The following BPTF variants were observed in gnomAD, a reference collection of about 807,000 sequenced individuals.
BPTF encodes the protein nucleosome-remodeling factor subunit BPTF.
BPTF carries 18 observed loss-of-function variants against 292.5 expected under a neutral mutation model. The ratio of observed to expected loss-of-function variants is 0.06; its 90% CI spans 0.04 to 0.09. The LOEUF (loss-of-function observed/expected upper bound fraction) is 0.09, where lower values mean the gene tolerates loss of function less well. Ranked by LOEUF, BPTF falls within the 10% of genes least tolerant of loss-of-function variation. The pLI, the probability that BPTF is intolerant of heterozygous loss-of-function variation, is 1.00. For synonymous variants in BPTF, 1,225 were observed against 1,251.9 expected, an observed-to-expected ratio of 0.98 and a Z score of 0.45; for missense variants, 2,726 against 3,498.7, an observed-to-expected ratio of 0.78 and a Z score of 5.57.
chr17:67,937,177 C>G (rs571150193), intron 18 of BPTF, among the ~76,000 whole-genome samples: 2 of 151,894 alleles, frequency 1.3e-5, no homozygotes, highest in African/African-American at 4.8e-5. Context: ...AAGTACTGGC[C>G]GGGCGCGATA....
rs528644198 is a variant in BPTF, at chr17:67,931,516, A to G, written c.6151-395A>G. ...ATAAATAAATAATTTTTAAAAAACT[A>G]TGAAAGAACATTTGGTTTCTGATCT... On this transcript the variant is annotated intron_variant, in intron 17 of 27. Transcript: ENST00000306378. Among the ~76,000 whole-genome samples the G allele has an allele frequency of 1.8e-4, 27 of 152,280 alleles. 1 individual carries two copies. Among genetic ancestry groups the G allele is most frequent in the Admixed American group, 1.2e-3 (19 of 15,302 alleles).
chr17:67,890,070 T>C (rs1380871735), intron 4 of BPTF, among the ~76,000 whole-genome samples: 2 of 152,216 alleles, frequency 1.3e-5, no homozygotes, highest in Admixed American at 6.5e-5. Context: ...TGTAGAAATT[T>C]CTAGACCTAC....
At chr17:67,976,511 C>T (rs1555693981) in intron 27 of BPTF, among the ~76,000 whole-genome samples, 1 of 151,710 alleles carries the variant, frequency 6.6e-6, no homozygotes, top group Non-Finnish European at 1.5e-5. Flanking sequence ...CATAATGAGA[C>T]CATGTCTCTA....
At chr17:67,931,741 C>T (rs533572603) in intron 17 of BPTF, among the ~76,000 whole-genome samples, 170 bp from the exon 18 acceptor site, 1 of 152,100 alleles carries the variant, frequency 6.6e-6, no homozygotes, top group South Asian at 2.1e-4. Flanking sequence ...CTCAAAATTC[C>T]GTCTTTATTC....
At chr17:67,858,498 T>C (rs1227675898) in intron 2 of BPTF, among the ~76,000 whole-genome samples, 1 of 142,252 alleles carries the variant, frequency 7.0e-6, no homozygotes, top group African/African-American at 2.7e-5. Context: ...GAGGTTGCAA[T>C]GAGCCGAGAT....
intron 27 of BPTF, chr17:67,981,903 A>ACACACACC (rs1303717587): frequency 1.6e-5 from 3 of 182,710 alleles, no homozygotes; most frequent in African/African-American, 7.5e-5. Context: ...ACACACACAC[A>ACACACACC]CCTTTCACCA....
chr17:67,932,727 T>TAA lies in BPTF; in HGVS notation c.6259+710_6259+711dup, dbSNP rs1229774194. On this transcript the variant is annotated intron_variant, in intron 18 of 27. Coordinates refer to ENST00000306378, the MANE Select transcript of BPTF (RefSeq NM_182641.4). ...AAAAAGAAAAAAAAGTTGAAAATGTTAAAGATTTTTTTTTAAACCCTATAC... is the reference window on the plus strand; with the variant it reads ...AAAAAGAAAAAAAAGTTGAAAATGTTAAAAAGATTTTTTTTTAAACCCTATAC... Among the ~76,000 whole-genome samples the TAA allele has an allele frequency of 3.3e-5, 5 of 152,092 alleles. No homozygotes were observed. The East Asian group carries it at 9.7e-4, about 29-fold the overall frequency.
At chr17:67,920,423 G>A (rs2063352700) in intron 13 of BPTF, among the ~76,000 whole-genome samples, 1 of 152,180 alleles carries the variant, frequency 6.6e-6, no homozygotes, top group Non-Finnish European at 1.5e-5. Context: ...AGCAGCTCCT[G>A]GAGAGCAGCC....
intron 1 of BPTF, among the ~76,000 whole-genome samples, chr17:67,833,760 G>T (rs1194201537): frequency 2.0e-5 from 3 of 151,882 alleles, no homozygotes; most frequent in Non-Finnish European, 4.4e-5. Context: ...CTAGAAGAGG[G>T]TTTCACCATG....
chr17:67,893,190 T>C (rs2061236725), intron 5 of BPTF, 180 bp from the exon 6 acceptor site: 2 of 603,652 alleles, frequency 3.3e-6, no homozygotes, highest in African/African-American at 1.9e-5. Context: ...ATCTTGGTTG[T>C]TTAATTGTAA....
chr17:67,974,646 A>G (rs2069177574), intron 26 of BPTF: 1 of 152,322 alleles, frequency 6.6e-6, no homozygotes, highest in Admixed American at 6.5e-5. Context: ...AGCAGCTCAC[A>G]GAACTCAGGG....
chr17:67,978,460 A>T (rs1555695176), intron 27 of BPTF, among the ~76,000 whole-genome samples: 1 of 151,438 alleles, frequency 6.6e-6, no homozygotes, highest in Admixed American at 6.6e-5. Context: ...CACCATGCCC[A>T]GCTGATTTTT....
At position 67,854,398 on chromosome 17, in the gene BPTF, G is replaced by C; in HGVS notation, c.1072G>C (p.Glu358Gln). Residue 358 changes from glutamate to glutamine, a missense_variant, in exon 2 of 28, where the codon GAG (glutamate) becomes CAG (glutamine). By Grantham distance (29) the Glu-to-Gln change is conservative. Transcript: ENST00000306378. The surrounding 1 kb of genome is among the most constrained non-coding windows in gnomAD (Gnocchi z 5.6). ...AGAGGACTACCCATATGGACCAGTA[G>C]AGAACAAGATCAAAGTTCTACAGTT... is the stretch of plus-strand genomic sequence containing the variant. ...EAEDYPYGPV[E>Q]NKIKVLQFLV... 6.2e-7 allele frequency: 1 copy of C among 1,614,214 alleles called. No individual in the cohort carries two copies. Among genetic ancestry groups the C allele is most frequent in the Non-Finnish European group, 8.5e-7 (1 of 1,180,040 alleles).
chr17:67,932,486 C>G (rs563191722), intron 18 of BPTF, among the ~76,000 whole-genome samples: 1 of 152,328 alleles, frequency 6.6e-6, no homozygotes, highest in South Asian at 2.1e-4. Flanking sequence ...CACTTGAGCC[C>G]AGGAGTTCAA....
At chr17:67,904,878 C>T in intron 9 of BPTF, 38 bp downstream of exon 9, 2 of 1,509,246 alleles carry the variant, frequency 1.3e-6, no homozygotes. Flanking sequence ...ATAATCGTTT[C>T]TGCTTTATAT....
chr17:67,942,675 A>G (rs1221782331), intron 19 of BPTF, among the ~76,000 whole-genome samples: 2 of 152,186 alleles, frequency 1.3e-5, no homozygotes, highest in African/African-American at 4.8e-5. Context: ...CATGGCATAA[A>G]TATTGGTAGC....
chr17:67,964,426 C>T, intron 25 of BPTF, 22 bp downstream of exon 25: 1 of 1,570,998 alleles, frequency 6.4e-7, no homozygotes, highest in East Asian at 2.3e-5. Flanking sequence ...CTGTGTGCAG[C>T]ATTTCAAAAT....
chr17:67,963,246 A>C, intron 24 of BPTF: 1 of 1,375,014 alleles, frequency 7.3e-7, no homozygotes, highest in Non-Finnish European at 9.6e-7. Context: ...ACTGTAAAAA[A>C]GTGAATCAAG....
intron 27 of BPTF, among the ~76,000 whole-genome samples, chr17:67,981,035 T>C (rs1484586219): frequency 1.3e-5 from 2 of 152,186 alleles, no homozygotes; most frequent in Admixed American, 6.5e-5. Context: ...GGCATGTGCC[T>C]GTAGTCCCAG....
Sources: allele counts gnomAD v4.1 joint callset (sites outside exome capture counted in the v4.1 genomes callset), GRCh38; gene constraint gnomAD v4.1.1; non-coding constraint Gnocchi (gnomAD v3.1); transcripts MANE v1.5; gene names NCBI Gene and HGNC (gene_info 2026-07-23, HGNC 2026-07-21).